The following OTUD7A variants were observed in gnomAD, a reference collection of about 807,000 sequenced individuals.
OTUD7A encodes the protein OTU deubiquitinase 7A, also known as OTU domain-containing protein 7A.
In OTUD7A, 12 loss-of-function variants were observed where a neutral mutation model predicts 65.7. The ratio of observed to expected loss-of-function variants is 0.18; its 90% CI spans 0.12 to 0.30. OTUD7A has a LOEUF of 0.30. Among genes scored for constraint, OTUD7A ranks in the 10% least tolerant of loss-of-function variants. OTUD7A has a pLI of 1.00. For missense variants in OTUD7A, 1,148 were observed against 1,304.8 expected (o/e 0.88, Z 1.85); for synonymous variants, 641 against 586.3 (o/e 1.09, Z -1.35).
At chr15:31,712,807 T>C (rs1430496055) in intron 1 of OTUD7A, among the ~76,000 whole-genome samples, 1 of 136,870 alleles carries the variant, frequency 7.3e-6, no homozygotes. Flanking sequence ...CAGAAGGACA[T>C]TGAGTTGACA....
chr15:31,589,056 G>A (rs184653137), intron 3 of OTUD7A, among the ~76,000 whole-genome samples: 1 of 152,312 alleles, frequency 6.6e-6, no homozygotes, highest in African/African-American at 2.4e-5. Flanking sequence ...CTCGTAGCCT[G>A]CTTAGGCAGA....
intron 1 of OTUD7A, among the ~76,000 whole-genome samples, chr15:31,762,115 T>C (rs1488514323): frequency 6.6e-6 from 1 of 152,252 alleles, no homozygotes; most frequent in Non-Finnish European, 1.5e-5. Flanking sequence ...CAATAAACTG[T>C]ACTTTTAGTG....
intron 1 of OTUD7A, among the ~76,000 whole-genome samples, chr15:31,668,195 G>T (rs1892372147): frequency 6.6e-6 from 1 of 152,182 alleles, no homozygotes; most frequent in African/African-American, 2.4e-5. Flanking sequence ...TAGGTCTCTG[G>T]CAAGGCCAGG....
At chr15:31,811,093 G>T (rs1302411719) in intron 1 of OTUD7A, among the ~76,000 whole-genome samples, 1 of 152,190 alleles carries the variant, frequency 6.6e-6, no homozygotes, top group African/African-American at 2.4e-5. Flanking sequence ...CACAGGTGAG[G>T]CATGCAGAGA....
At chr15:31,581,339 A>T (rs571799793) in intron 3 of OTUD7A, among the ~76,000 whole-genome samples, 20 of 152,210 alleles carry the variant, frequency 1.3e-4, no homozygotes, top group Non-Finnish European at 2.4e-4. Flanking sequence ...CTGTTGGTGG[A>T]TCTATCATTT....
At chr15:31,773,299 C>T (rs1489791159) in intron 1 of OTUD7A, among the ~76,000 whole-genome samples, 1 of 152,160 alleles carries the variant, frequency 6.6e-6, no homozygotes, top group Non-Finnish European at 1.5e-5. Context: ...GCTGCTATAA[C>T]AAAAATACCA....
chr15:31,819,636 C>T (rs1021154463), intron 1 of OTUD7A, among the ~76,000 whole-genome samples: 3 of 151,948 alleles, frequency 2.0e-5, no homozygotes, highest in Admixed American at 6.5e-5. Flanking sequence ...TTTTTTCTAA[C>T]GTAATCATAT....
intron 1 of OTUD7A, among the ~76,000 whole-genome samples, chr15:31,822,174 C>T (rs1345436088): frequency 6.6e-6 from 1 of 152,208 alleles, no homozygotes. Context: ...AGTGGTAGCT[C>T]TCTGAAGTGA....
chr15:31,841,444 G>T (rs1325097915), intron 1 of OTUD7A, among the ~76,000 whole-genome samples: 1 of 152,138 alleles, frequency 6.6e-6, no homozygotes, highest in Non-Finnish European at 1.5e-5. Flanking sequence ...GCAACAAGTG[G>T]TCAGTGACAA....
At chr15:31,682,589 C>T (rs1325912068) in intron 1 of OTUD7A, among the ~76,000 whole-genome samples, 2 of 152,188 alleles carry the variant, frequency 1.3e-5, no homozygotes, top group Non-Finnish European at 2.9e-5. Flanking sequence ...GGCACAAAGA[C>T]AATCCAATGG....
At chr15:31,862,333 G>C (rs948085665) in intron 1 of OTUD7A, among the ~76,000 whole-genome samples, 1 of 152,178 alleles carries the variant, frequency 6.6e-6, no homozygotes, top group Non-Finnish European at 1.5e-5. Flanking sequence ...CCGGCTTCCT[G>C]GGGAGTTCAC....
Position 31,734,599 on chromosome 15 carries a change from C to T in OTUD7A, c.-99-77522G>A, listed in dbSNP as rs549179839. Among the ~76,000 whole-genome samples the T allele has an allele frequency of 4.3e-4, 65 of 152,192 alleles. 1 individual carries two copies. Among genetic ancestry groups the T allele is most frequent in the Admixed American group, 5.9e-4 (9 of 15,294 alleles). On this transcript the variant is annotated intron_variant, in intron 1 of 12. Transcript: ENST00000307050. ...ACAATAGAGAGACCAGAAATAAGAC[C>T]GCACACCTTCAACCATTTAATCTTT...
chr15:31,719,398 A>C (rs537418127), intron 1 of OTUD7A, among the ~76,000 whole-genome samples: 5 of 151,894 alleles, frequency 3.3e-5, no homozygotes, highest in Admixed American at 3.3e-4. Flanking sequence ...ACTCTCCTGT[A>C]ATCTTCCACA....
chr15:31,477,847 G>A lies in OTUD7A; in HGVS notation c.*5447C>T, dbSNP rs2041046447. On this transcript the variant is annotated 3_prime_UTR_variant, in exon 13 of 13. Coordinates refer to ENST00000307050, the MANE Select transcript of OTUD7A (RefSeq NM_001382637.1). The stretch of plus-strand genomic sequence containing the variant: ...GAATGATTAACATCTGCAGCACTCA[G>A]ATGGTGATAGGTGCACAAGAAGAAG... 1 of 140,482 alleles carries A rather than the reference G, an allele frequency of 7.1e-6. No individual in the cohort carries two copies. Among genetic ancestry groups the A allele is most frequent in the African/African-American group, 2.6e-5 (1 of 39,108 alleles). The allele number at this position is 140,482 out of a possible 1,614,324, so 8.7% of individuals were successfully genotyped here. A position where few individuals can be genotyped will look rare whatever the true frequency, so the allele number is the denominator to read the frequency against.
chr15:31,542,320 T>C (rs993511011), intron 5 of OTUD7A, among the ~76,000 whole-genome samples: 9 of 151,896 alleles, frequency 5.9e-5, no homozygotes, highest in Non-Finnish European at 4.4e-5. Context: ...AAACAAAATA[T>C]GACCAAAGAA....
intron 3 of OTUD7A, among the ~76,000 whole-genome samples, chr15:31,583,823 C>G (rs921460973): frequency 5.9e-5 from 9 of 152,012 alleles, no homozygotes; most frequent in Non-Finnish European, 1.3e-4. Context: ...TCCAGGGAAC[C>G]CTGCTGAACC....
At chr15:31,799,894 A>G (rs538190587) in intron 1 of OTUD7A, among the ~76,000 whole-genome samples, 19 of 152,242 alleles carry the variant, frequency 1.2e-4, no homozygotes, top group Non-Finnish European at 2.4e-4. Context: ...ATACGGGGGA[A>G]GCACCACTGA....
At chr15:31,531,373 A>G (rs1326011899) in intron 5 of OTUD7A, among the ~76,000 whole-genome samples, 1 of 152,146 alleles carries the variant, frequency 6.6e-6, no homozygotes, top group Admixed American at 6.5e-5. Context: ...TCATATTAGA[A>G]GACTCTGAAA....
intron 5 of OTUD7A, among the ~76,000 whole-genome samples, chr15:31,536,047 G>A (rs1350140237): frequency 6.6e-6 from 1 of 152,138 alleles, no homozygotes; most frequent in Non-Finnish European, 1.5e-5. Context: ...AGCTTCAGGA[G>A]GATGTACTCC....
Sources: allele counts gnomAD v4.1 joint callset (sites outside exome capture counted in the v4.1 genomes callset), GRCh38; gene constraint gnomAD v4.1.1; transcripts MANE v1.5; gene names NCBI Gene and HGNC (gene_info 2026-07-23, HGNC 2026-07-21).